Variants in NSMCE2 observed in about 807,000 individuals in gnomAD.
NSMCE2 encodes E3 SUMO-protein ligase NSE2.
NSMCE2 carries 24 observed loss-of-function variants against 23.8 expected under a neutral mutation model. That is an observed-to-expected ratio of 1.01 (90% CI 0.73 to 1.42). The LOEUF (loss-of-function observed/expected upper bound fraction) is 1.42, where lower values mean the gene tolerates loss of function less well. Among genes scored for constraint, NSMCE2 ranks in the 40% most tolerant of loss-of-function variants. The pLI is 0.00. For synonymous variants in NSMCE2, 92 were observed against 94.1 expected, an observed-to-expected ratio of 0.98 and a Z score of 0.13; for missense variants, 284 against 296.5, an observed-to-expected ratio of 0.96 and a Z score of 0.31.
In NSMCE2 at chr8:125,227,773, G is replaced by A. The variant is rs139895569; in HGVS notation, c.418+45517G>A. ...CAAAATAAAAATCACCTGTAATCCC[G>A]TTACCCAGAGATAACCACATAATAA... On this transcript the variant is annotated intron_variant, in intron 5 of 7. Transcript: ENST00000287437. Among the ~76,000 whole-genome samples the A allele has an allele frequency of 6.0e-3, 916 of 152,092 alleles. 1 individual carries two copies. Among genetic ancestry groups the A allele is most frequent in the South Asian group, 0.023 (111 of 4,820 alleles).
intron 5 of NSMCE2, among the ~76,000 whole-genome samples, chr8:125,356,472 G>T (rs1363132299): frequency 6.6e-6 from 1 of 151,764 alleles, no homozygotes; most frequent in Admixed American, 6.6e-5. Context: ...GGGACTACAG[G>T]CACATGCCAC....
chr8:125,114,334 G>C (rs968151322), intron 3 of NSMCE2, among the ~76,000 whole-genome samples: 1 of 152,092 alleles, frequency 6.6e-6, no homozygotes, highest in Non-Finnish European at 1.5e-5. Context: ...CGCTGCTATT[G>C]CCTATAGGTA....
chr8:125,133,700 C>T (rs1220740494), intron 3 of NSMCE2, among the ~76,000 whole-genome samples: 2 of 151,314 alleles, frequency 1.3e-5, no homozygotes, highest in Admixed American at 6.6e-5. Context: ...GCCGAGATCA[C>T]GACTGGGCAA....
intron 5 of NSMCE2, among the ~76,000 whole-genome samples, chr8:125,330,332 C>T (rs1829829513): frequency 6.6e-6 from 1 of 151,960 alleles, no homozygotes; most frequent in South Asian, 2.1e-4. Flanking sequence ...TGTGCCACCA[C>T]ACCCGGCTAA....
intron 5 of NSMCE2, among the ~76,000 whole-genome samples, chr8:125,320,313 GGGAAGGAAGGGAA>G (rs1829403040): frequency 8.5e-6 from 1 of 118,322 alleles, no homozygotes; most frequent in African/African-American, 3.0e-5. Flanking sequence ...AGGAAGGGAA[GGGAAGGAAGGGAA>G]GGAAGGCAGG....
chr8:125,110,309 A>G (rs1019390610), intron 3 of NSMCE2, among the ~76,000 whole-genome samples: 3 of 152,224 alleles, frequency 2.0e-5, no homozygotes, highest in Non-Finnish European at 2.9e-5. Flanking sequence ...TTTAGAAGTA[A>G]AGGATTAAAG....
At chr8:125,189,617 A>G (rs1823256834) in intron 5 of NSMCE2, among the ~76,000 whole-genome samples, 1 of 152,236 alleles carries the variant, frequency 6.6e-6, no homozygotes, top group Non-Finnish European at 1.5e-5. Context: ...AACATAGTTA[A>G]GGCAGTCTGA....
chr8:125,358,019 G>T (rs1314369940), intron 7 of NSMCE2, among the ~76,000 whole-genome samples: 1 of 152,162 alleles, frequency 6.6e-6, no homozygotes, highest in African/African-American at 2.4e-5. Flanking sequence ...AGAAGCTGAG[G>T]GAACTTCAAC....
At chr8:125,290,163 A>T (rs1828053435) in intron 5 of NSMCE2, among the ~76,000 whole-genome samples, 1 of 152,222 alleles carries the variant, frequency 6.6e-6, no homozygotes, top group Non-Finnish European at 1.5e-5. Context: ...ACGTTAAAAA[A>T]AACTCCACTT....
At chr8:125,221,697 A>C (rs957633374) in intron 5 of NSMCE2, among the ~76,000 whole-genome samples, 1 of 152,230 alleles carries the variant, frequency 6.6e-6, no homozygotes, top group East Asian at 1.9e-4. Flanking sequence ...TGCAGCATTC[A>C]TTTATGTTTC....
chr8:125,127,604 G>A (rs1819576538), intron 3 of NSMCE2, among the ~76,000 whole-genome samples: 2 of 152,142 alleles, frequency 1.3e-5, no homozygotes, highest in East Asian at 1.9e-4. Context: ...CTGGAATGGA[G>A]CCTTCCAGAG....
Position 125,341,078 on chromosome 8 carries a change from A to T in NSMCE2, c.419-16141A>T, listed in dbSNP as rs529561023. 1.9e-4 allele frequency among the ~76,000 whole-genome samples: 29 copies of T among 151,966 alleles called. No homozygotes were observed. In the South Asian group the frequency reaches 3.7e-3, roughly 20 times the overall value. ...AATCACTTTAACCAGTCACCTCTCC[A>T]TATTTTTTTTTCTTTTGTCTTAAGG... On this transcript the variant is annotated intron_variant, in intron 5 of 7. Transcript: ENST00000287437.
At chr8:125,094,135 T>C (rs544404850) in intron 1 of NSMCE2, among the ~76,000 whole-genome samples, 1 of 152,096 alleles carries the variant, frequency 6.6e-6, no homozygotes, top group African/African-American at 2.4e-5. Context: ...ATTAAGAATA[T>C]TGGGTATGAA....
chr8:125,318,416 A>T (rs555610143), intron 5 of NSMCE2, among the ~76,000 whole-genome samples: 2 of 152,346 alleles, frequency 1.3e-5, no homozygotes, highest in South Asian at 4.1e-4. Context: ...TCAAAAAGTA[A>T]AATAATGTTT....
chr8:125,353,210 A>G (rs909974682), intron 5 of NSMCE2, among the ~76,000 whole-genome samples: 2 of 152,248 alleles, frequency 1.3e-5, no homozygotes, highest in African/African-American at 2.4e-5. Flanking sequence ...TCTCTGGCAC[A>G]ACGTATACAG....
At chr8:125,211,355 T>G (rs1824332690) in intron 5 of NSMCE2, among the ~76,000 whole-genome samples, 1 of 152,214 alleles carries the variant, frequency 6.6e-6, no homozygotes, top group Non-Finnish European at 1.5e-5. Context: ...TGTGTTTTAA[T>G]GGTAGCATAT....
intron 5 of NSMCE2, among the ~76,000 whole-genome samples, chr8:125,286,192 A>G (rs1293375908): frequency 3.3e-5 from 5 of 152,132 alleles, no homozygotes; most frequent in South Asian, 4.1e-4. Flanking sequence ...TTACTTCAAT[A>G]TGTATTTTCC....
At chr8:125,334,230 G>A (rs976286779) in intron 5 of NSMCE2, among the ~76,000 whole-genome samples, 1 of 152,196 alleles carries the variant, frequency 6.6e-6, no homozygotes, top group African/African-American at 2.4e-5. Context: ...GAGTCATCTA[G>A]TGGCAGCTGT....
chr8:125,346,305 A>G (rs766600313), intron 5 of NSMCE2, among the ~76,000 whole-genome samples: 1 of 152,232 alleles, frequency 6.6e-6, no homozygotes, highest in Non-Finnish European at 1.5e-5. Context: ...GGACAGCAGC[A>G]GTGAAAATGA....
Sources: gnomAD v4.1 joint callset for allele counts (sites outside exome capture counted in the v4.1 genomes callset) on GRCh38, gnomAD v4.1.1 for gene constraint, MANE v1.5 for transcripts, NCBI Gene and HGNC (gene_info 2026-07-23, HGNC 2026-07-21) for gene names.